The following TTN variants were observed in gnomAD, a reference collection of about 807,000 sequenced individuals.
TTN encodes titin.
TTN carries 1,525 observed loss-of-function variants against 3,223.0 expected under a neutral mutation model. The observed-to-expected ratio is 0.47, with a 90% CI of 0.45 to 0.49. TTN has a LOEUF of 0.49. Ranked by LOEUF, TTN falls within the 20% of genes least tolerant of loss-of-function variation. The pLI is 0.00. For missense variants in TTN, 40,786 were observed against 43,424.0 expected (o/e 0.94, Z 5.40); for synonymous variants, 14,094 against 15,161.0 (o/e 0.93, Z 5.17).
At position 178,531,556 on chromosome 2, in the gene TTN, T is replaced by C. The variant is rs1178732521; in HGVS notation, c.105059A>G (p.Lys35020Arg). The change falls in exon 358 of 363, where the codon AAG (lysine) becomes AGG (arginine). Residue 35020 changes from lysine (K) to arginine (R), a missense_variant. Physicochemically the swap from Lys to Arg is conservative, Grantham distance 26. Transcript: ENST00000589042. ...CGTTGCATAGTCAGAAGCTTCGCCC[T>C]TGTAGTTGGTGCACACAGCACGGTA... ...GTYRAVCTNY[K>R]GEASDYATLD... 1 of 1,613,846 alleles carries C rather than the reference T, an allele frequency of 6.2e-7. No homozygotes were observed. Among genetic ancestry groups the C allele is most frequent in the African/African-American group, 1.3e-5 (1 of 74,918 alleles).
rs779607842 is a variant in TTN at position 178,745,727 on chromosome 2, C to T, written c.11312-3806G>A. The T allele has an allele frequency of 5.0e-6, 8 of 1,612,290 alleles. No homozygotes were observed. In the African/African-American group the frequency reaches 9.4e-5, roughly 19 times the overall value. ...TGTGCCACTTTCCTCAACAGTGAACCTTCTTCCTTGGACTAATTTTCCATC... is the reference window on the plus strand; with the variant it reads ...TGTGCCACTTTCCTCAACAGTGAACTTTCTTCCTTGGACTAATTTTCCATC... On this transcript the variant is annotated intron_variant, in intron 47 of 362. Coordinates refer to ENST00000589042, the MANE Select transcript of TTN (RefSeq NM_001267550.2).
rs2154152666 is a variant in TTN, at chr2:178,554,229, G to A, written c.88895-13C>T. On this transcript the variant is annotated splice_polypyrimidine_tract_variant and intron_variant, in intron 332 of 362. Transcript: ENST00000589042. ...GGCCCAGGTGTAACTATTTAGAAAG[G>A]AAGGGAAAACAAGGTACAAGAATCC... 1 of 1,564,536 alleles carries A rather than the reference G, an allele frequency of 6.4e-7. No homozygotes were observed. The highest frequency in any genetic ancestry group is 2.0e-5 in the Admixed American group (1 of 49,514).
In TTN at chr2:178,704,502, T is replaced by TAGA. The variant is rs752004849; in HGVS notation, c.29962+7_29962+8insTCT. The TAGA allele has an allele frequency of 6.2e-7, 1 of 1,601,740 alleles. No homozygotes were observed. The highest frequency in any genetic ancestry group is 8.5e-7 in the Non-Finnish European group (1 of 1,173,502). On this transcript the variant is annotated splice_region_variant and intron_variant, in intron 105 of 362. Coordinates refer to ENST00000589042, the MANE Select transcript of TTN (RefSeq NM_001267550.2). Reference sequence around the variant, plus strand: ...TCACAAGTATTTCATAAGCCTTTTCTAACTTACCAATTACAGTTAGTTTAG... The same window carrying TAGA: ...TCACAAGTATTTCATAAGCCTTTTCTAGAAACTTACCAATTACAGTTAGTTTAG...
Position 178,554,640 on chromosome 2 carries a change from G to C in TTN, c.88707C>G (p.Tyr29569Ter). The change falls in exon 332 of 363, where the codon TAC becomes TAG. Residue 29569 changes from tyrosine to a stop codon, truncating the protein, a stop_gained. Coordinates refer to ENST00000589042, the MANE Select transcript of TTN (RefSeq NM_001267550.2). LOFTEE classifies it high-confidence loss of function. ...ADDGGAKITH[Y>*]IVEKRETSRV... is the part of the protein sequence containing the mutation. ...GGCTTGTCTCACGCTTTTCCACAAT[G>C]TAGTGAGTGATTTTTGCACCACCAT... The C allele has an allele frequency of 6.2e-7, 1 of 1,613,892 alleles. No individual in the cohort carries two copies. The highest frequency in any genetic ancestry group is 1.1e-5 in the South Asian group (1 of 91,074).
At chr2:178,713,739 C>T in intron 92 of TTN, 158 bp downstream of exon 92, 1 of 1,006,834 alleles carries the variant, frequency 9.9e-7, no homozygotes, top group South Asian at 1.9e-5. Context: ...ACATGGTTTT[C>T]TTCTAATTCT....
At chr2:178,664,154 A>G in intron 168 of TTN, 56 bp from the exon 169 acceptor site, 2 of 1,496,894 alleles carry the variant, frequency 1.3e-6, no homozygotes, top group Non-Finnish European at 1.8e-6. Context: ...CTAGATAGAT[A>G]CAAAGACATT....
At chr2:178,697,221 TTAA>T in intron 112 of TTN, 53 bp from the exon 113 acceptor site, 3 of 1,370,572 alleles carry the variant, frequency 2.2e-6, no homozygotes, top group African/African-American at 1.5e-5. Flanking sequence ...TACATTATTA[TTAA>T]TGTTTACTAA....
In TTN at chr2:178,599,360, A is replaced by G. The variant is rs771353550; in HGVS notation, c.56433T>C (p.Asp18811=). The G allele has an allele frequency of 8.1e-6, 13 of 1,603,888 alleles. No individual in the cohort carries two copies. The highest frequency in any genetic ancestry group is 3.4e-6 in the Non-Finnish European group (4 of 1,176,730). ...AGTTTGTAATCTTAGACCCACCATC[A>G]TCTTTAGGTGGAAACCAAGATAGTG... is the stretch of plus-strand genomic sequence containing the variant. The part of the protein sequence containing the change: ...QMTLSWFPPK[D]DGGSKITNYV... The change falls in exon 290 of 363, where the codon GAT becomes GAC. Residue 18811 remains aspartate, a synonymous_variant. Transcript: ENST00000589042.
Position 178,584,417 on chromosome 2 carries a change from T to C in TTN, c.65134A>G (p.Thr21712Ala), listed in dbSNP as rs1278321308. 1 of 1,613,224 alleles carries C rather than the reference T, an allele frequency of 6.2e-7. No homozygotes were observed. The highest frequency in any genetic ancestry group is 1.1e-5 in the South Asian group (1 of 91,054). Residue 21712 changes from threonine to alanine, a missense_variant, in exon 311 of 363, where the codon ACT becomes GCT. Thr to Ala is a moderately conservative substitution (Grantham distance 58). Coordinates refer to ENST00000589042, the MANE Select transcript of TTN (RefSeq NM_001267550.2). ...GGATATTCAGTTGACCGGACAAGAG[T>C]ATCATTGGCTTTCACCCACAGCAAA... ...NSLLWVKAND[T>A]LVRSTEYPCA...
chr2:178,727,580 C>T lies in TTN; in HGVS notation c.19993+5G>A, dbSNP rs907914759. 2 of 1,551,064 alleles carry T rather than the reference C, an allele frequency of 1.3e-6. No individual in the cohort carries two copies. Among genetic ancestry groups the T allele is most frequent in the Non-Finnish European group, 1.7e-6 (2 of 1,150,866 alleles). ...CAGAAACATAAAGGAATCAAATTTG[C>T]ACACCTGTCACAAGCAACATCGTAG... On this transcript the variant is annotated splice_donor_5th_base_variant and intron_variant, in intron 68 of 362. Transcript: ENST00000589042.
Position 178,665,387 on chromosome 2 carries a change from T to G in TTN, c.36033A>C (p.Pro12011=). 1 of 1,612,408 alleles carries G rather than the reference T, an allele frequency of 6.2e-7. No homozygotes were observed. The highest frequency in any genetic ancestry group is 2.2e-5 in the East Asian group (1 of 44,848). Residue 12011 remains proline, a synonymous_variant, in exon 165 of 363, where the codon CCA becomes CCC. Coordinates refer to ENST00000589042, the MANE Select transcript of TTN (RefSeq NM_001267550.2). ...TCAGAGGTAACGTACTTTTCATACG[T>G]GGAGTTTCTGGCTCTTCAGGTACAT... ...FEDVPEEPET[P]RMKTPEAPQE... is the part of the protein sequence containing the mutation.
rs757011726 is a variant in TTN at position 178,592,425 on chromosome 2, C to A, written c.59580G>T (p.Glu19860Asp). ...EDGGIYSLTV[E>D]NPAGSKTVSV... is the part of the protein sequence containing the mutation. Reference sequence around the variant, plus strand: ...AGACAGTTTTTGAACCAGCTGGATTCTCCACTGTTAAAGAATAAATTCCAC... The same window carrying A: ...AGACAGTTTTTGAACCAGCTGGATTATCCACTGTTAAAGAATAAATTCCAC... The change falls in exon 301 of 363, where the codon GAG becomes GAT. Residue 19860 changes from glutamate to aspartate, a missense_variant. Glu to Asp is a conservative substitution (Grantham distance 45). Coordinates refer to ENST00000589042, the MANE Select transcript of TTN (RefSeq NM_001267550.2). 6.2e-7 allele frequency: 1 copy of A among 1,613,298 alleles called. No homozygotes were observed. The highest frequency in any genetic ancestry group is 1.3e-5 in the African/African-American group (1 of 74,900).
intron 240 of TTN, among the ~76,000 whole-genome samples, chr2:178,626,030 G>GCC (rs2058993424): frequency 6.6e-6 from 1 of 151,788 alleles, no homozygotes; most frequent in Non-Finnish European, 1.5e-5. Flanking sequence ...ATATATGTGT[G>GCC]CCCCCATTCT....
chr2:178,731,578 G>C lies in TTN; in HGVS notation c.17188C>G (p.Pro5730Ala). 1 of 1,597,658 alleles carries C rather than the reference G, an allele frequency of 6.3e-7. No individual in the cohort carries two copies. Among genetic ancestry groups the C allele is most frequent in the East Asian group, 2.2e-5 (1 of 44,576 alleles). ...CSARVTLREP[P>A]SFIKKIESTS... ...CTCTCGATCTTCTTTATGAAGGATG[G>C]GGGTTCTAACAGAAGAATGAATTCT... is the stretch of plus-strand genomic sequence containing the variant. Residue 5730 changes from proline (P) to alanine (A), a missense_variant, in exon 59 of 363, where the codon CCA (proline) becomes GCA (alanine). Pro to Ala is a conservative substitution (Grantham distance 27). Transcript: ENST00000589042.
chr2:178,613,085 G>GA lies in TTN; in HGVS notation c.49649-14dup. On this transcript the variant is annotated splice_polypyrimidine_tract_variant and intron_variant, in intron 264 of 362. Coordinates refer to ENST00000589042, the MANE Select transcript of TTN (RefSeq NM_001267550.2). ...GGCCATGGAGGATCTGCAAGCCAATGAAATCATTGTTTAGGTTTGTCAAAA... is the reference window on the plus strand; with the variant it reads ...GGCCATGGAGGATCTGCAAGCCAATGAAAATCATTGTTTAGGTTTGTCAAAA... The GA allele has an allele frequency of 6.2e-7, 1 of 1,612,240 alleles. No homozygotes were observed. The highest frequency in any genetic ancestry group is 1.1e-5 in the South Asian group (1 of 90,932).
At chr2:178,612,693 T>G in intron 265 of TTN, 80 bp downstream of exon 265, 2 of 1,533,996 alleles carry the variant, frequency 1.3e-6, no homozygotes, top group South Asian at 2.5e-5. Context: ...TAGTAATGAA[T>G]TTTTCATATT....
Position 178,586,801 on chromosome 2 carries a change from G to A in TTN, c.64100C>T (p.Pro21367Leu), listed in dbSNP as rs754581725. Residue 21367 changes from proline to leucine, a missense_variant, in exon 308 of 363, where the codon CCG (proline) becomes CTG (leucine). Pro to Leu is a moderately conservative substitution (Grantham distance 98). Coordinates refer to ENST00000589042, the MANE Select transcript of TTN (RefSeq NM_001267550.2). ...CACTTCTAATTTCCTTGGGGGATCC[G>A]GCTCACCTAGAAGAAAAACATAATT... Reference protein sequence around the residue: ...PVLASDPLSEPDPPRKLEVTE... With the variant: ...PVLASDPLSELDPPRKLEVTE... 14 of 1,609,102 alleles carry A rather than the reference G, an allele frequency of 8.7e-6. No homozygotes were observed. The highest frequency in any genetic ancestry group is 1.7e-4 in the Middle Eastern group (1 of 6,032).
At chr2:178,625,561 C>CT (rs1173716787) in intron 240 of TTN, among the ~76,000 whole-genome samples, 165 bp from the exon 241 acceptor site, 9 of 151,610 alleles carry the variant, frequency 5.9e-5, no homozygotes, top group African/African-American at 9.7e-5. Context: ...AGTTTGGGAT[C>CT]TTTTTTTTAA....
In TTN at chr2:178,738,264, C is replaced by T. The variant is rs202017278; in HGVS notation, c.14189G>A (p.Arg4730Gln). The T allele has an allele frequency of 8.1e-5, 131 of 1,613,416 alleles. No homozygotes were observed. Among genetic ancestry groups the T allele is most frequent in the Middle Eastern group, 1.6e-4 (1 of 6,080 alleles). Residue 4730 changes from arginine to glutamine, a missense_variant, in exon 49 of 363, where the codon CGG becomes CAG. Physicochemically the swap from Arg to Gln is conservative, Grantham distance 43 (BLOSUM62 1). Transcript: ENST00000589042. ...TCGGCCAGCTTTAAACCACTGGAAC[C>T]GGACATTGGGAGCACTTTGGATCTC... is the stretch of plus-strand genomic sequence containing the variant. ...TCEIQSAPNV[R>Q]FQWFKAGREI...
Sources: allele counts gnomAD v4.1 joint callset (sites outside exome capture counted in the v4.1 genomes callset), GRCh38; gene constraint gnomAD v4.1.1; transcripts MANE v1.5; gene names NCBI Gene and HGNC (gene_info 2026-07-23, HGNC 2026-07-21).